DTNB: variants seen among roughly 807,000 people sequenced by gnomAD.
The protein encoded by DTNB is DTN-B.
DTNB carries 63 observed loss-of-function variants against 90.7 expected under a neutral mutation model. The observed-to-expected ratio is 0.69, with a 90% CI of 0.57 to 0.86. The LOEUF is 0.86. DTNB is among the 40% of genes least tolerant of loss of function. The pLI, the probability that DTNB is intolerant of heterozygous loss-of-function variation, is 0.00. For missense variants in DTNB, 744 were observed against 807.1 expected (o/e 0.92, Z 0.95); for synonymous variants, 277 against 286.7 (o/e 0.97, Z 0.34).
chr2:25,431,205 A>ATT (rs35256450), intron 14 of DTNB, among the ~76,000 whole-genome samples: 322 of 147,800 alleles, frequency 2.2e-3, no homozygotes, highest in African/African-American at 6.9e-3. Context: ...TTCTTCTAGA[A>ATT]TTTTTTTTTT....
intron 19 of DTNB, among the ~76,000 whole-genome samples, chr2:25,381,134 G>C (rs138806712): frequency 7.3e-4 from 111 of 152,344 alleles, no homozygotes; most frequent in African/African-American, 2.2e-3. Context: ...AGATGCAGCT[G>C]TTATGTCTTC....
chr2:25,379,094 C>G (rs2036759372), intron 20 of DTNB, among the ~76,000 whole-genome samples, 196 bp downstream of exon 20: 1 of 152,162 alleles, frequency 6.6e-6, no homozygotes, highest in African/African-American at 2.4e-5. Context: ...CTGTGCAAGA[C>G]AGGACACAGC....
At chr2:25,540,623 T>A (rs1388730626) in intron 8 of DTNB, among the ~76,000 whole-genome samples, 1 of 152,102 alleles carries the variant, frequency 6.6e-6, no homozygotes, top group African/African-American at 2.4e-5. Flanking sequence ...GGGAAAAGAC[T>A]GAGAAATCGG....
intron 2 of DTNB, 47 bp downstream of exon 2, chr2:25,652,547 A>AC: frequency 6.4e-7 from 1 of 1,556,006 alleles, no homozygotes; most frequent in East Asian, 2.3e-5. Flanking sequence ...AAAAAAAAAA[A>AC]ACCACACAAA....
chr2:25,662,106 A>T (rs2083294236), intron 1 of DTNB, among the ~76,000 whole-genome samples: 1 of 151,902 alleles, frequency 6.6e-6, no homozygotes, highest in East Asian at 1.9e-4. Context: ...CAAGGAGCTG[A>T]GATTGTGTCA....
At chr2:25,540,478 T>C (rs931024121) in intron 8 of DTNB, among the ~76,000 whole-genome samples, 1 of 152,112 alleles carries the variant, frequency 6.6e-6, no homozygotes, top group Non-Finnish European at 1.5e-5. Context: ...ATCATTTTAT[T>C]ATTATTATTA....
chr2:25,454,978 T>C (rs1437318580), intron 11 of DTNB, among the ~76,000 whole-genome samples: 2 of 152,200 alleles, frequency 1.3e-5, no homozygotes, highest in Non-Finnish European at 2.9e-5. Context: ...AGGGTGACAG[T>C]ATCAAAGTCC....
At chr2:25,512,557 A>G (rs371512069) in intron 9 of DTNB, among the ~76,000 whole-genome samples, 14 of 152,304 alleles carry the variant, frequency 9.2e-5, no homozygotes, top group South Asian at 8.3e-4. Flanking sequence ...ATCCTTAAGG[A>G]AAGAGATAGC....
chr2:25,575,979 A>C (rs899389108), intron 8 of DTNB, among the ~76,000 whole-genome samples: 1 of 152,194 alleles, frequency 6.6e-6, no homozygotes, highest in South Asian at 2.1e-4. Context: ...ACTTCCGCCA[A>C]GATATTACTA....
intron 10 of DTNB, among the ~76,000 whole-genome samples, chr2:25,465,363 G>A (rs1419230812): frequency 7.8e-4 from 107 of 136,648 alleles, no homozygotes; most frequent in African/African-American, 3.0e-3. Flanking sequence ...GCGACAGAGC[G>A]AGACTCCGTC....
intron 8 of DTNB, among the ~76,000 whole-genome samples, chr2:25,562,319 C>T (rs2058388916): frequency 6.6e-6 from 1 of 152,216 alleles, no homozygotes; most frequent in African/African-American, 2.4e-5. Context: ...TACACTTTGT[C>T]CAGTCACCAG....
intron 16 of DTNB, among the ~76,000 whole-genome samples, chr2:25,414,876 T>C (rs1005283361): frequency 6.6e-6 from 1 of 152,150 alleles, no homozygotes; most frequent in Non-Finnish European, 1.5e-5. Flanking sequence ...GCTCAACTGA[T>C]GCGACCTAAT....
intron 15 of DTNB, among the ~76,000 whole-genome samples, 167 bp from the exon 16 acceptor site, chr2:25,419,702 C>A (rs961150770): frequency 6.6e-6 from 1 of 152,172 alleles, no homozygotes; most frequent in African/African-American, 2.4e-5. Flanking sequence ...ACAGGAGCAT[C>A]AGAGGACGAA....
chr2:25,406,535 C>CA (rs1203061611), intron 16 of DTNB, among the ~76,000 whole-genome samples: 3,351 of 98,888 alleles, frequency 0.034, 113 homozygotes, highest in African/African-American at 0.099. Context: ...AACTCCGTCT[C>CA]AAAAAAAAAA....
intron 9 of DTNB, among the ~76,000 whole-genome samples, chr2:25,529,567 G>C (rs1272491791): frequency 6.6e-6 from 1 of 152,002 alleles, no homozygotes; most frequent in Non-Finnish European, 1.5e-5. Flanking sequence ...GTGTAGGGGT[G>C]GGAGACATCT....
chr2:25,440,351 T>C (rs1377116050), intron 12 of DTNB, among the ~76,000 whole-genome samples: 2 of 152,240 alleles, frequency 1.3e-5, no homozygotes, highest in African/African-American at 4.8e-5. Context: ...GGAGACTCCA[T>C]AGAGATGGGC....
At chr2:25,605,810 A>G (rs1452295509) in intron 5 of DTNB, among the ~76,000 whole-genome samples, 1 of 152,222 alleles carries the variant, frequency 6.6e-6, no homozygotes, top group Non-Finnish European at 1.5e-5. Context: ...ACTTTCATAC[A>G]TATTATCTTC....
chr2:25,645,778 A>T (rs1020366978), intron 2 of DTNB, among the ~76,000 whole-genome samples: 5 of 152,206 alleles, frequency 3.3e-5, no homozygotes, highest in Non-Finnish European at 7.3e-5. Context: ...TATAAATTTC[A>T]TTAAGGGGGT....
intron 8 of DTNB, among the ~76,000 whole-genome samples, chr2:25,544,913 T>C (rs1340181853): frequency 2.0e-5 from 3 of 152,270 alleles, no homozygotes; most frequent in African/African-American, 7.2e-5. Flanking sequence ...CAGCAATGTT[T>C]TGTTGGTGAC....
Sources: allele counts gnomAD v4.1 joint callset (sites outside exome capture counted in the v4.1 genomes callset), GRCh38; gene constraint gnomAD v4.1.1; transcripts MANE v1.5; gene names NCBI Gene and HGNC (gene_info 2026-07-23, HGNC 2026-07-21).